Variants in DOCK8 observed in about 807,000 individuals in gnomAD.
DOCK8 encodes dedicator of cytokinesis protein 8.
In DOCK8, 141 loss-of-function variants were observed where a neutral mutation model predicts 245.6. The ratio of observed to expected loss-of-function variants is 0.57; its 90% CI spans 0.50 to 0.66. The LOEUF (loss-of-function observed/expected upper bound fraction) is 0.66. Ranked by LOEUF, DOCK8 falls within the 30% of genes least tolerant of loss-of-function variation. DOCK8 has a pLI of 0.00. For missense variants in DOCK8, 2,965 were observed against 2,603.4 expected (o/e 1.14, Z -3.02); for synonymous variants, 1,168 against 970.2 (o/e 1.20, Z -3.79).
chr9:256,844 C>G (rs1315752004), intron 1 of DOCK8, among the ~76,000 whole-genome samples: 3 of 150,768 alleles, frequency 2.0e-5, no homozygotes, highest in Non-Finnish European at 4.4e-5. Flanking sequence ...ATTGCAGTAT[C>G]CCCAGAACTT....
At chr9:447,566 A>G (rs1169117385) in intron 44 of DOCK8, among the ~76,000 whole-genome samples, 1 of 152,194 alleles carries the variant, frequency 6.6e-6, no homozygotes, top group Non-Finnish European at 1.5e-5. Flanking sequence ...AGGAATTTTT[A>G]TAGCAACTCA....
At chr9:212,573 A>G (rs542437389), upstream of DOCK8, among the ~76,000 whole-genome samples, 3 of 152,240 alleles carry the variant, frequency 2.0e-5, no homozygotes, top group Non-Finnish European at 4.4e-5. Context: ...AAACTTGAAA[A>G]CAGGCATTTG....
At chr9:312,417 T>C in intron 6 of DOCK8, 1 of 618,930 alleles carries the variant, frequency 1.6e-6, no homozygotes, top group South Asian at 1.5e-5. Context: ...ATATGTTCAC[T>C]AAGAGCATCT....
chr9:425,447 G>A (rs756327138), intron 33 of DOCK8, among the ~76,000 whole-genome samples: 3 of 151,718 alleles, frequency 2.0e-5, no homozygotes, highest in African/African-American at 2.4e-5. Flanking sequence ...CAGGAGAATG[G>A]CGTGAACCCG....
intron 36 of DOCK8, among the ~76,000 whole-genome samples, chr9:430,406 G>A (rs758143267): frequency 6.6e-6 from 1 of 151,730 alleles, no homozygotes; most frequent in Non-Finnish European, 1.5e-5. Context: ...AAATAACCAG[G>A]TGCAGTGGCT....
chr9:399,020 A>G (rs1159340377), intron 25 of DOCK8, 126 bp from the exon 26 acceptor site: 1 of 818,924 alleles, frequency 1.2e-6, no homozygotes, highest in East Asian at 2.6e-5. Context: ...TACTTCGCCC[A>G]GTGCCACCCA....
chr9:390,640 T>G, intron 24 of DOCK8, 74 bp downstream of exon 24: 1 of 1,438,938 alleles, frequency 6.9e-7, no homozygotes, highest in Non-Finnish European at 9.8e-7. Context: ...ATTGACATTT[T>G]GTTCACTGAG....
chr9:382,412 G>C, intron 21 of DOCK8, 101 bp from the exon 22 acceptor site: 1 of 1,524,298 alleles, frequency 6.6e-7, no homozygotes, highest in Non-Finnish European at 9.0e-7. Context: ...GCCTAATCCG[G>C]TGGCTTTTCA....
intron 1 of DOCK8, among the ~76,000 whole-genome samples, chr9:246,675 A>G (rs1451918082): frequency 2.0e-5 from 3 of 152,208 alleles, no homozygotes. Flanking sequence ...AATATTGTAT[A>G]AAATGATGAT....
At chr9:250,442 ATCTAC>A (rs768531868) in intron 1 of DOCK8, among the ~76,000 whole-genome samples, 4 of 152,166 alleles carry the variant, frequency 2.6e-5, no homozygotes, top group Non-Finnish European at 4.4e-5. Flanking sequence ...ACAATAACCT[ATCTAC>A]TCTACATAAA....
chr9:371,495 C>T lies in DOCK8; in HGVS notation c.1936C>T (p.Leu646=), dbSNP rs1259667311. The T allele has an allele frequency of 1.9e-6, 3 of 1,614,206 alleles. No individual in the cohort carries two copies. The Admixed American group carries it at 5.0e-5, about 27-fold the overall frequency. The part of the protein sequence containing the change: ...PAKLTVNHHL[L]FTFYHISCQQ... ...TAAGCTCACAGTAAATCACCACCTC[C>T]TGTTCACCTTCTACCATATCAGCTG... The change falls in exon 17 of 48, where the codon CTG becomes TTG. Residue 646 remains leucine (L), a synonymous_variant. Transcript: ENST00000432829.
intron 4 of DOCK8, among the ~76,000 whole-genome samples, 184 bp from the exon 5 acceptor site, chr9:304,397 A>C (rs2049710220): frequency 6.6e-6 from 1 of 152,318 alleles, no homozygotes. Flanking sequence ...TTTGTATCTC[A>C]TTACAACAGA....
chr9:439,205 G>A, intron 39 of DOCK8, 40 bp from the exon 40 acceptor site: 4 of 1,613,896 alleles, frequency 2.5e-6, no homozygotes, highest in Non-Finnish European at 3.4e-6. Context: ...TACTAGTCTG[G>A]TCGCCCTGTT....
intron 6 of DOCK8, chr9:312,474 C>A (rs1445404308): frequency 2.0e-6 from 1 of 510,590 alleles, no homozygotes. Flanking sequence ...GTAATCACAC[C>A]CAGCAAGTCA....
intron 2 of DOCK8, among the ~76,000 whole-genome samples, chr9:272,258 C>T (rs974666240): frequency 2.0e-5 from 3 of 152,098 alleles, no homozygotes; most frequent in Non-Finnish European, 2.9e-5. Flanking sequence ...TATCCTAAAG[C>T]GTTCCCCAGC....
At chr9:272,837 A>G (rs1004235493) in intron 2 of DOCK8, 1 of 156,324 alleles carries the variant, frequency 6.4e-6, no homozygotes, top group African/African-American at 2.4e-5. Flanking sequence ...GACAAATGAG[A>G]TGGTTTGTAA....
intron 14 of DOCK8, among the ~76,000 whole-genome samples, chr9:356,446 C>T (rs1260736949): frequency 4.0e-5 from 6 of 150,892 alleles, no homozygotes; most frequent in Admixed American, 1.3e-4. Flanking sequence ...AGGAGAATAG[C>T]GTGAACCCAG....
intron 1 of DOCK8, among the ~76,000 whole-genome samples, chr9:221,471 G>A (rs1482787541): frequency 1.3e-5 from 2 of 152,052 alleles, no homozygotes; most frequent in Non-Finnish European, 2.9e-5. Flanking sequence ...TATTTACATA[G>A]CATTTACATT....
chr9:390,329 A>G (rs2054134476), intron 23 of DOCK8, 142 bp from the exon 24 acceptor site: 2 of 774,420 alleles, frequency 2.6e-6, no homozygotes, highest in Non-Finnish European at 4.4e-6. Flanking sequence ...GCCATCCACC[A>G]CTTACTGCCT....
Sources: allele counts gnomAD v4.1 joint callset (sites outside exome capture counted in the v4.1 genomes callset), GRCh38; gene constraint gnomAD v4.1.1; transcripts MANE v1.5; gene names NCBI Gene and HGNC (gene_info 2026-07-23, HGNC 2026-07-21).